NEDD9: variants seen among roughly 807,000 people sequenced by gnomAD.
NEDD9 encodes the protein enhancer of filamentation 1.
A neutral mutation model predicts 76.6 loss-of-function variants in NEDD9; 26 were observed. The ratio of observed to expected loss-of-function variants is 0.34; its 90% CI spans 0.25 to 0.47. The LOEUF (loss-of-function observed/expected upper bound fraction) is 0.47. Ranked by LOEUF, NEDD9 falls within the 20% of genes least tolerant of loss-of-function variation. The probability of loss-of-function intolerance (pLI) is 1.00; values close to 1 mark genes in which losing one functional copy is unlikely to be tolerated. For missense variants in NEDD9, 937 were observed against 1,058.5 expected, an observed-to-expected ratio of 0.89 and a Z score of 1.59; for synonymous variants, 392 against 414.2, an observed-to-expected ratio of 0.95 and a Z score of 0.65.
At chr6:11,301,276 C>T (rs913071385) in intron 3 of NEDD9, among the ~76,000 whole-genome samples, 3 of 152,044 alleles carry the variant, frequency 2.0e-5, no homozygotes, top group Admixed American at 2.0e-4. Flanking sequence ...AAGAAGGCCA[C>T]CACATAATGG....
intron 2 of NEDD9, among the ~76,000 whole-genome samples, chr6:11,331,009 G>T (rs1444920400): frequency 6.6e-6 from 1 of 151,418 alleles, no homozygotes; most frequent in African/African-American, 2.4e-5. Context: ...CTCTAGAGAA[G>T]AAAGTCAGCA....
intron 1 of NEDD9, among the ~76,000 whole-genome samples, chr6:11,217,643 G>T (rs729747): frequency 6.6e-6 from 1 of 152,148 alleles, no homozygotes; most frequent in South Asian, 2.1e-4. Context: ...AGAAAAAAAT[G>T]AGCCTCAAGA....
At chr6:11,368,981 C>A (rs575702736) in intron 1 of NEDD9, among the ~76,000 whole-genome samples, 1 of 152,158 alleles carries the variant, frequency 6.6e-6, no homozygotes, top group East Asian at 1.9e-4. Flanking sequence ...TCAAAACCAC[C>A]GGTGAGGTAG....
At chr6:11,300,344 C>T (rs1427148574) in intron 3 of NEDD9, among the ~76,000 whole-genome samples, 2 of 152,072 alleles carry the variant, frequency 1.3e-5, no homozygotes, top group African/African-American at 4.8e-5. Context: ...ACAAAGCCTC[C>T]AGGAAATATA....
At chr6:11,188,378 C>A in intron 5 of NEDD9, 71 bp from the exon 6 acceptor site, 1 of 1,250,040 alleles carries the variant, frequency 8.0e-7, no homozygotes. Context: ...ATTTCATTGA[C>A]GGATGAGTAA....
chr6:11,298,345 G>GA (rs930658149), intron 3 of NEDD9, among the ~76,000 whole-genome samples: 4 of 151,986 alleles, frequency 2.6e-5, no homozygotes, highest in African/African-American at 9.7e-5. Flanking sequence ...AATAATGGGG[G>GA]AAAAAATCAC....
At position 11,360,776 on chromosome 6, in the gene NEDD9, ATTTC is replaced by A. The variant is rs59261578; in HGVS notation, c.-214+21359_-214+21362del. On this transcript the variant is annotated intron_variant, in intron 1 of 3. Transcript: ENST00000397378. ...CTTTATAAATTACCCAGTCTCAGGT[ATTTC>A]TTTATAGCAGTGTGAGAACTGACTA... 2.9e-3 allele frequency among the ~76,000 whole-genome samples: 446 copies of A among 152,300 alleles called. 2 individuals are homozygous for A. The highest frequency in any genetic ancestry group is 0.01 in the African/African-American group (424 of 41,558).
intron 3 of NEDD9, among the ~76,000 whole-genome samples, chr6:11,298,028 CT>C (rs1760944233): frequency 6.6e-6 from 1 of 151,938 alleles, no homozygotes; most frequent in African/African-American, 2.4e-5. Context: ...ATGCCTCAGC[CT>C]TCTGAATAGC....
At chr6:11,299,716 A>G (rs2113398612) in intron 3 of NEDD9, among the ~76,000 whole-genome samples, 1 of 152,332 alleles carries the variant, frequency 6.6e-6, no homozygotes, top group Admixed American at 6.5e-5. Flanking sequence ...TACCCAGGCA[A>G]ACAGGGTCTG....
At chr6:11,265,836 G>A (rs1361225676) in intron 3 of NEDD9, among the ~76,000 whole-genome samples, 1 of 152,114 alleles carries the variant, frequency 6.6e-6, no homozygotes, top group African/African-American at 2.4e-5. Context: ...TAAATGCAAT[G>A]GAATACTCTT....
chr6:11,232,961 T>A (rs572645674), upstream of NEDD9, among the ~76,000 whole-genome samples: 21 of 151,740 alleles, frequency 1.4e-4, no homozygotes, highest in African/African-American at 4.6e-4. Flanking sequence ...TTAACCCAAA[T>A]TTTAAAGAAA....
At chr6:11,338,381 C>G (rs1202878817) in intron 1 of NEDD9, among the ~76,000 whole-genome samples, 1 of 152,180 alleles carries the variant, frequency 6.6e-6, no homozygotes, top group Non-Finnish European at 1.5e-5. Flanking sequence ...CACCCTTGAT[C>G]TCAGCCTTTT....
chr6:11,332,896 T>C (rs2113505503), intron 2 of NEDD9, among the ~76,000 whole-genome samples: 1 of 152,244 alleles, frequency 6.6e-6, no homozygotes, highest in South Asian at 2.1e-4. Context: ...TTCAGCAAAA[T>C]AAATGCTGCA....
At chr6:11,377,381 C>T (rs1296671365) in intron 1 of NEDD9, among the ~76,000 whole-genome samples, 3 of 152,250 alleles carry the variant, frequency 2.0e-5, no homozygotes, top group Non-Finnish European at 4.4e-5. Flanking sequence ...AGCCACAGGG[C>T]CAGAGCTGCT....
rs550422119 is a variant in NEDD9, at chr6:11,373,047, T to C, written c.-214+9092A>G. Among the ~76,000 whole-genome samples the C allele has an allele frequency of 9.9e-5, 15 of 152,160 alleles. No homozygotes were observed. The South Asian group carries it at 2.7e-3, about 27-fold the overall frequency. Reference sequence around the variant, plus strand: ...ATTGAGTAAACCAGTTACTTAAAGCTAACAAAGAAACAGACATCATCAAGC... The same window carrying C: ...ATTGAGTAAACCAGTTACTTAAAGCCAACAAAGAAACAGACATCATCAAGC... On this transcript the variant is annotated intron_variant, in intron 1 of 3. Coordinates refer to the NEDD9 transcript ENST00000397378.
chr6:11,228,551 T>G (rs1759376385), intron 1 of NEDD9, among the ~76,000 whole-genome samples: 4 of 86,764 alleles, frequency 4.6e-5, no homozygotes, highest in Non-Finnish European at 6.6e-5. Context: ...AAAAGAAAAG[T>G]GGAGAGGAAG....
intron 1 of NEDD9, among the ~76,000 whole-genome samples, chr6:11,231,430 AC>A (rs1458159086): frequency 6.6e-6 from 1 of 152,222 alleles, no homozygotes; most frequent in Non-Finnish European, 1.5e-5. Flanking sequence ...TTACAACCTT[AC>A]ATCAAAAAAG....
At chr6:11,225,592 C>T (rs1018027371) in intron 1 of NEDD9, among the ~76,000 whole-genome samples, 2 of 152,166 alleles carry the variant, frequency 1.3e-5, no homozygotes, top group African/African-American at 4.8e-5. Flanking sequence ...AGCTCCGCCT[C>T]CCGGGTTCAA....
intron 2 of NEDD9, chr6:11,200,439 C>T (rs569410106): frequency 3.9e-6 from 3 of 770,632 alleles, no homozygotes; most frequent in Non-Finnish European, 5.1e-6. Flanking sequence ...TACAATGTCC[C>T]ACATACAATC....
Sources: allele counts gnomAD v4.1 joint callset (sites outside exome capture counted in the v4.1 genomes callset), GRCh38; gene constraint gnomAD v4.1.1; transcripts MANE v1.5; gene names NCBI Gene and HGNC (gene_info 2026-07-23, HGNC 2026-07-21).